Variants in GJC1 observed in about 807,000 individuals in gnomAD.
GJC1 encodes gap junction protein gamma 1.
A neutral mutation model predicts 29.3 loss-of-function variants in GJC1; 5 were observed. The observed-to-expected ratio is 0.17, with a 90% CI of 0.09 to 0.36. The LOEUF (loss-of-function observed/expected upper bound fraction) is 0.36. Among genes scored for constraint, GJC1 ranks in the 10% least tolerant of loss-of-function variants. The pLI, the probability that GJC1 is intolerant of heterozygous loss-of-function variation, is 1.00. For synonymous variants in GJC1, 177 were observed against 183.3 expected (o/e 0.97, Z 0.28); for missense variants, 310 against 496.2 (o/e 0.62, Z 3.56).
downstream of GJC1, chr17:44,795,155 C>T (rs1322518963): frequency 6.6e-6 from 1 of 152,208 alleles, no homozygotes; most frequent in East Asian, 1.9e-4. Flanking sequence ...CCAACTCTTG[C>T]TTACATACAA....
At chr17:44,828,169 T>C (rs1376299263) in intron 1 of GJC1, among the ~76,000 whole-genome samples, 2 of 152,196 alleles carry the variant, frequency 1.3e-5, no homozygotes, top group South Asian at 4.1e-4. Flanking sequence ...TAAAATTTAA[T>C]TGACAAAGGA....
At position 44,800,664 on chromosome 17, in the gene GJC1, C is replaced by T. The variant is rs2145286101; in HGVS notation, c.*3963G>A. The T allele has an allele frequency of 6.6e-6, 1 of 152,190 alleles. No homozygotes were observed. Among genetic ancestry groups the T allele is most frequent in the South Asian group, 2.1e-4 (1 of 4,830 alleles). The allele number at this position is 152,190 out of a possible 1,614,324, so 9.4% of individuals were successfully genotyped here. On this transcript the variant is annotated 3_prime_UTR_variant, in exon 3 of 3. Transcript: ENST00000592524. The stretch of plus-strand genomic sequence containing the variant: ...GTAAGTCCATTCTTCGTATAAACTG[C>T]TAGAGAGTGTTTCAGACCATCACTG...
chr17:44,795,889 G>A (rs1473188946), downstream of GJC1, among the ~76,000 whole-genome samples: 1 of 152,200 alleles, frequency 6.6e-6, no homozygotes, highest in African/African-American at 2.4e-5. Flanking sequence ...GAATCGGATC[G>A]CACGTGGGCT....
rs541434326 is a variant in GJC1, at chr17:44,809,928, G to A, written c.-96-2459C>T. On this transcript the variant is annotated intron_variant, in intron 1 of 2. Coordinates refer to ENST00000592524, the MANE Select transcript of GJC1 (RefSeq NM_005497.4). Reference sequence around the variant, plus strand: ...AGCTGGAGTGCAGTGGCATGATCTCGGCTCACTGCAAGCTCCGCCTCCCAG... The same window carrying A: ...AGCTGGAGTGCAGTGGCATGATCTCAGCTCACTGCAAGCTCCGCCTCCCAG... Among the ~76,000 whole-genome samples the A allele has an allele frequency of 5.4e-5, 8 of 147,330 alleles. No homozygotes were observed. In the East Asian group the frequency reaches 1.2e-3, roughly 22 times the overall value.
At chr17:44,794,167 C>G (rs1451363759), downstream of GJC1, 1 of 152,160 alleles carries the variant, frequency 6.6e-6, no homozygotes, top group Non-Finnish European at 1.5e-5. Context: ...TGTTGCATGA[C>G]TGTAACAGTT....
chr17:44,807,180 C>T (rs1179746091), intron 2 of GJC1, among the ~76,000 whole-genome samples: 1 of 152,188 alleles, frequency 6.6e-6, no homozygotes, highest in African/African-American at 2.4e-5. Context: ...CCATTTAAAA[C>T]AGCATTTTAA....
rs1484841941 is a variant in GJC1 at position 44,799,455 on chromosome 17, C to CTCAG, written c.*5168_*5171dup. ...TCCTGACCTCTAGTGATCCACCCAC[C>CTCAG]TCAGCCTCCCAAAGTGCTGGGATTA... On this transcript the variant is annotated 3_prime_UTR_variant, in exon 3 of 3. Transcript: ENST00000592524. 6.6e-6 allele frequency: 1 copy of CTCAG among 152,088 alleles called. No homozygotes were observed. Among genetic ancestry groups the CTCAG allele is most frequent in the African/African-American group, 2.4e-5 (1 of 41,384 alleles). The allele number at this position is 152,088 out of a possible 1,614,324, so 9.4% of individuals were successfully genotyped here. A position where few individuals can be genotyped will look rare whatever the true frequency, so the allele number is the denominator to read the frequency against.
Position 44,805,131 on chromosome 17 carries a change from G to A in GJC1, c.687C>T (p.Thr229=). 3 of 1,614,006 alleles carry A rather than the reference G, an allele frequency of 1.9e-6. No individual in the cohort carries two copies. The highest frequency in any genetic ancestry group is 2.5e-6 in the Non-Finnish European group (3 of 1,179,966). ...CACCATACATTATCAGAAGGAAGATGGTCTTTTCAGTGGGTCTAGAAATAA... is the reference window on the plus strand; with the variant it reads ...CACCATACATTATCAGAAGGAAGATAGTCTTTTCAGTGGGTCTAGAAATAA... ...DCFISRPTEK[T]IFLLIMYGVT... is the part of the protein sequence containing the mutation. The change falls in exon 3 of 3, where the codon ACC becomes ACT. Residue 229 remains threonine, a synonymous_variant. Transcript: ENST00000592524. This position sits in a 1 kb window ranked among gnomAD's most constrained non-coding sequence, Gnocchi z 5.1.
chr17:44,820,935 A>G (rs1433046642), intron 1 of GJC1, among the ~76,000 whole-genome samples: 5 of 152,244 alleles, frequency 3.3e-5, no homozygotes, highest in African/African-American at 1.2e-4. Flanking sequence ...TGCTACAAAC[A>G]TGAAAACAAC....
chr17:44,805,724 G>A lies in GJC1; in HGVS notation c.94C>T (p.Arg32Trp), dbSNP rs1333628390. 1 of 1,613,996 alleles carries A rather than the reference G, an allele frequency of 6.2e-7. No homozygotes were observed. Among genetic ancestry groups the A allele is most frequent in the Non-Finnish European group, 8.5e-7 (1 of 1,179,870 alleles). Residue 32 changes from arginine (R) to tryptophan (W), a missense_variant, in exon 3 of 3, where the codon CGG becomes TGG. Physicochemically the swap from Arg to Trp is moderately radical, Grantham distance 101. Around this residue, in one of 4 missense-constraint regions of GJC1, gnomAD observed 37 missense variants for 104.2 expected, o/e 0.35. Coordinates refer to ENST00000592524, the MANE Select transcript of GJC1 (RefSeq NM_005497.4). This position sits in a 1 kb window ranked among gnomAD's most constrained non-coding sequence, Gnocchi z 5.1. Reference protein sequence around the residue: ...KIWLTVLIVFRIVLTAVGGES... With the variant: ...KIWLTVLIVFWIVLTAVGGES... ...CCTCCTACAGCTGTAAGGACGATCC[G>A]GAAGACAATCAGAACAGTGAGCCAG...
intron 1 of GJC1, among the ~76,000 whole-genome samples, chr17:44,823,246 CTG>C (rs869200930): frequency 8.1e-6 from 1 of 123,822 alleles, no homozygotes; most frequent in Non-Finnish European, 1.7e-5. Flanking sequence ...CATTTCTTTC[CTG>C]TTTTTTTTTT....
At chr17:44,827,761 T>A (rs1226132818) in intron 1 of GJC1, among the ~76,000 whole-genome samples, 1 of 151,796 alleles carries the variant, frequency 6.6e-6, no homozygotes, top group Non-Finnish European at 1.5e-5. Flanking sequence ...TGAAACCCCA[T>A]CTCTGCTAAA....
At chr17:44,820,411 T>C (rs1205438938) in intron 1 of GJC1, among the ~76,000 whole-genome samples, 1 of 152,218 alleles carries the variant, frequency 6.6e-6, no homozygotes, top group Non-Finnish European at 1.5e-5. Context: ...AATATCAAGT[T>C]AGATGATTTC....
chr17:44,813,140 C>G (rs1257796229), intron 1 of GJC1: 1 of 151,942 alleles, frequency 6.6e-6, no homozygotes, highest in Non-Finnish European at 1.5e-5. Flanking sequence ...GCAATCTCAG[C>G]TGACTGTAGC....
At chr17:44,818,425 G>A (rs2050067965) in intron 1 of GJC1, among the ~76,000 whole-genome samples, 1 of 151,036 alleles carries the variant, frequency 6.6e-6, no homozygotes, top group African/African-American at 2.4e-5. Flanking sequence ...TGGGCATTGA[G>A]AATAGGGAGA....
chr17:44,827,603 C>T (rs2050190060), intron 1 of GJC1, among the ~76,000 whole-genome samples: 1 of 151,714 alleles, frequency 6.6e-6, no homozygotes, highest in African/African-American at 2.4e-5. Flanking sequence ...CTGCAGTGTA[C>T]TATGACAGCC....
intron 1 of GJC1, among the ~76,000 whole-genome samples, chr17:44,822,895 C>A (rs1423763034): frequency 6.6e-6 from 1 of 151,968 alleles, no homozygotes; most frequent in Non-Finnish European, 1.5e-5. Context: ...ACCGAAGCCA[C>A]AGAATGGATA....
intron 1 of GJC1, among the ~76,000 whole-genome samples, chr17:44,826,927 A>C (rs987368302): frequency 2.6e-5 from 4 of 152,244 alleles, no homozygotes; most frequent in African/African-American, 9.6e-5. Flanking sequence ...TTAACAGCTC[A>C]GAACTGTTTT....
In GJC1 at chr17:44,800,947, A is replaced by AAAC. The variant is rs1271322374; in HGVS notation, c.*3679_*3680insGTT. Reference sequence around the variant, plus strand: ...TTTGAATTAACCAAAAAAAAAAAAAAAGCCTATTTCTTTTACAAATCTTCT... The same window carrying AAAC: ...TTTGAATTAACCAAAAAAAAAAAAAAAACAGCCTATTTCTTTTACAAATCTTCT... On this transcript the variant is annotated 3_prime_UTR_variant, in exon 3 of 3. Coordinates refer to ENST00000592524, the MANE Select transcript of GJC1 (RefSeq NM_005497.4). The AAAC allele has an allele frequency of 2.0e-5, 3 of 151,934 alleles. No homozygotes were observed. Among genetic ancestry groups the AAAC allele is most frequent in the African/African-American group, 7.2e-5 (3 of 41,386 alleles). The allele number at this position is 151,934 out of a possible 1,614,324, so 9.4% of individuals were successfully genotyped here.
Sources: gnomAD v4.1 joint callset for allele counts (sites outside exome capture counted in the v4.1 genomes callset) on GRCh38, gnomAD v4.1.1 for gene constraint, gnomAD v4.1.1 regional missense constraint, Gnocchi (gnomAD v3.1) non-coding constraint, MANE v1.5 for transcripts, NCBI Gene and HGNC (gene_info 2026-07-23, HGNC 2026-07-21) for gene names.